IFIT2: variants seen among roughly 807,000 people sequenced by gnomAD.
The protein encoded by IFIT2 is interferon induced protein with tetratricopeptide repeats 2.
Under a neutral mutation model 2.5 loss-of-function variants are expected in IFIT2, and 3 were observed. The ratio of observed to expected loss-of-function variants is 1.21; its 90% confidence interval spans 0.55 to 3.14. The LOEUF (loss-of-function observed/expected upper bound fraction) is 3.14. Among genes scored for constraint, IFIT2 ranks in the 30% most tolerant of loss-of-function variants. The pLI is 0.03. For missense variants in IFIT2, 493 were observed against 558.9 expected (o/e 0.88, Z 1.19); for synonymous variants, 212 against 200.7 (o/e 1.06, Z -0.48).
Position 89,308,388 on chromosome 10 carries a change from G to A in IFIT2, c.*1013G>A, listed in dbSNP as rs1843496736. The A allele has an allele frequency of 1.3e-5, 2 of 152,074 alleles. No homozygotes were observed. Among genetic ancestry groups the A allele is most frequent in the African/African-American group, 2.4e-5 (1 of 41,408 alleles). 9.4% of individuals were successfully genotyped at this position (152,074 alleles called of 1,614,324 possible). The stretch of plus-strand genomic sequence containing the variant: ...TTCATGAACCTGGTTTGAGACGGTA[G>A]GAAAGCAACAAAACGTGGGAACCTG... On this transcript the variant is annotated 3_prime_UTR_variant, in exon 2 of 2. Transcript: ENST00000371826.
Position 89,308,790 on chromosome 10 carries a change from A to T in IFIT2, c.*1415A>T, listed in dbSNP as rs942890851. 6.6e-6 allele frequency: 1 copy of T among 152,236 alleles called. No individual in the cohort carries two copies. The highest frequency in any genetic ancestry group is 1.5e-5 in the Non-Finnish European group (1 of 68,040). 9.4% of individuals were successfully genotyped at this position (152,236 alleles called of 1,614,324 possible). The stretch of plus-strand genomic sequence containing the variant: ...AAAGTTAAAAATTCTAACCACTGTA[A>T]CAACAGTTTTTGTGTTATTTTCTGT... On this transcript the variant is annotated 3_prime_UTR_variant, in exon 2 of 2. Transcript: ENST00000371826.
rs1202731891 is a variant in IFIT2 at position 89,308,478 on chromosome 10, C to G, written c.*1103C>G. 1 of 152,096 alleles carries G rather than the reference C, an allele frequency of 6.6e-6. No homozygotes were observed. The highest frequency in any genetic ancestry group is 1.5e-5 in the Non-Finnish European group (1 of 68,016). The allele number at this position is 152,096 out of a possible 1,614,324, so 9.4% of individuals were successfully genotyped here. ...TGATAATAGATGGTGGGGTTTTCCC[C>G]CCTTTAGAAATGTTGGATATTAAGT... On this transcript the variant is annotated 3_prime_UTR_variant, in exon 2 of 2. Coordinates refer to ENST00000371826, the MANE Select transcript of IFIT2 (RefSeq NM_001547.5).
intron 1 of IFIT2, 106 bp downstream of exon 1, chr10:89,302,234 G>T: frequency 8.3e-7 from 1 of 1,200,548 alleles, no homozygotes. Context: ...TTTAGTGTTT[G>T]TTTATAGCCT....
rs1476511466 is a variant in IFIT2 at position 89,308,020 on chromosome 10, C to T, written c.*645C>T. ...GAACAGGAAGATACATAGCTAGAAG[C>T]GACGGGTACAAAAAGCAATGTGTAC... On this transcript the variant is annotated 3_prime_UTR_variant, in exon 2 of 2. Transcript: ENST00000371826. 3.3e-5 allele frequency: 5 copies of T among 152,364 alleles called. No homozygotes were observed. The highest frequency in any genetic ancestry group is 9.7e-5 in the African/African-American group (4 of 41,410). The allele number at this position is 152,364 out of a possible 1,614,324, so 9.4% of individuals were successfully genotyped here. A position where few individuals can be genotyped will look rare whatever the true frequency, so the allele number is the denominator to read the frequency against.
chr10:89,303,624 G>A (rs1843459723), intron 1 of IFIT2, among the ~76,000 whole-genome samples: 1 of 152,158 alleles, frequency 6.6e-6, no homozygotes, highest in Non-Finnish European at 1.5e-5. Flanking sequence ...TGCTCAAAGG[G>A]CTTTTACCTA....
chr10:89,302,056 G>A lies in IFIT2; in HGVS notation c.-68G>A. 5.6e-6 allele frequency: 9 copies of A among 1,595,472 alleles called. No homozygotes were observed. Among genetic ancestry groups the A allele is most frequent in the Non-Finnish European group, 7.7e-6 (9 of 1,163,664 alleles). ...TCAGCATTTATTGGTGGCAGAAGAG[G>A]AAGATTTCTGAAGAGTGCAGCTGCC... On this transcript the variant is annotated 5_prime_UTR_variant, in exon 1 of 2. Transcript: ENST00000371826.
In IFIT2 at chr10:89,308,564, C is replaced by A. The variant is rs141164000; in HGVS notation, c.*1189C>A. ...GAGAAATCACAAAATTCACGGTATG[C>A]TTGGAACGATTGAGATTTTCTAGGT... is the stretch of plus-strand genomic sequence containing the variant. On this transcript the variant is annotated 3_prime_UTR_variant, in exon 2 of 2. Transcript: ENST00000371826. The A allele has an allele frequency of 2.0e-5, 3 of 152,124 alleles. No individual in the cohort carries two copies. The highest frequency in any genetic ancestry group is 4.4e-5 in the Non-Finnish European group (3 of 68,038). The allele number at this position is 152,124 out of a possible 1,614,324, so 9.4% of individuals were successfully genotyped here. A position where few individuals can be genotyped will look rare whatever the true frequency, so the allele number is the denominator to read the frequency against.
rs746849892 is a variant in IFIT2 at position 89,306,179 on chromosome 10, C to T, written c.223C>T (p.Arg75Cys). Residue 75 changes from arginine to cysteine, a missense_variant, in exon 2 of 2, where the codon CGT (arginine) becomes TGT (cysteine). Arg to Cys is a radical substitution (Grantham distance 180). Coordinates refer to ENST00000371826, the MANE Select transcript of IFIT2 (RefSeq NM_001547.5). Reference protein sequence around the residue: ...GQNEAALECLRKAEELIQQEH... With the variant: ...GQNEAALECLCKAEELIQQEH... Reference sequence around the variant, plus strand: ...AAACGAGGCAGCCCTGGAATGCTTACGTAAAGCTGAAGAGTTAATCCAGCA... The same window carrying T: ...AAACGAGGCAGCCCTGGAATGCTTATGTAAAGCTGAAGAGTTAATCCAGCA... The T allele has an allele frequency of 1.2e-5, 19 of 1,613,992 alleles. No homozygotes were observed. Among genetic ancestry groups the T allele is most frequent in the East Asian group, 2.2e-5 (1 of 44,892 alleles).
chr10:89,304,756 T>G (rs1843467757), intron 1 of IFIT2, among the ~76,000 whole-genome samples: 1 of 152,032 alleles, frequency 6.6e-6, no homozygotes, highest in African/African-American at 2.4e-5. Flanking sequence ...TTTTTAGGGG[T>G]TTTTTTGTTG....
At chr10:89,304,787 G>A (rs1014965547) in intron 1 of IFIT2, among the ~76,000 whole-genome samples, 3 of 151,558 alleles carry the variant, frequency 2.0e-5, no homozygotes, top group African/African-American at 7.3e-5. Flanking sequence ...TTGTTTTTTG[G>A]TTTGGTTGAT....
chr10:89,305,824 T>G, intron 1 of IFIT2, 138 bp from the exon 2 acceptor site: 1 of 655,996 alleles, frequency 1.5e-6, no homozygotes, highest in Non-Finnish European at 2.6e-6. Flanking sequence ...GAAAAACATA[T>G]TATAGAAAGA....
In IFIT2 at chr10:89,306,939, A is replaced by G. The variant is rs1335740085; in HGVS notation, c.983A>G (p.Glu328Gly). The G allele has an allele frequency of 1.9e-6, 3 of 1,613,930 alleles. No individual in the cohort carries two copies. In the African/African-American group the frequency reaches 4.0e-5, roughly 22 times the overall value. Residue 328 changes from glutamate to glycine, a missense_variant, in exon 2 of 2, where the codon GAG becomes GGG. By Grantham distance (98) the Glu-to-Gly change is moderately conservative. Coordinates refer to ENST00000371826, the MANE Select transcript of IFIT2 (RefSeq NM_001547.5). ...HAVAHLKKAD[E>G]ANDNLFRVCS... Reference sequence around the variant, plus strand: ...GTGGCTCATCTGAAGAAAGCTGATGAGGCCAATGATAATCTCTTCCGTGTC... The same window carrying G: ...GTGGCTCATCTGAAGAAAGCTGATGGGGCCAATGATAATCTCTTCCGTGTC...
rs375901105 is a variant in IFIT2 at position 89,304,766 on chromosome 10, G to GTTGTT, written c.6-1183_6-1179dup. On this transcript the variant is annotated intron_variant, in intron 1 of 1. Coordinates refer to ENST00000371826, the MANE Select transcript of IFIT2 (RefSeq NM_001547.5). ...TGGGTTTTTTAGGGGTTTTTTTGTTGTTGTTTTGTTTTGTTTTTTGGTTTG... is the reference window on the plus strand; with the variant it reads ...TGGGTTTTTTAGGGGTTTTTTTGTTGTTGTTTTGTTTTGTTTTGTTTTTTGGTTTG... 3.9e-3 allele frequency among the ~76,000 whole-genome samples: 588 copies of GTTGTT among 151,756 alleles called. 7 individuals are homozygous for GTTGTT. Among genetic ancestry groups the GTTGTT allele is most frequent in the African/African-American group, 0.013 (554 of 41,380 alleles).
Position 89,306,025 on chromosome 10 carries a change from C to T in IFIT2, c.69C>T (p.Asn23=), listed in dbSNP as rs1843475583. Residue 23 remains asparagine (N), a synonymous_variant, in exon 2 of 2, where the codon AAC becomes AAT. Coordinates refer to ENST00000371826, the MANE Select transcript of IFIT2 (RefSeq NM_001547.5). ...LRQLKCHFTW[N]LMEGENSLDD... ...AACTAAAATGCCATTTCACCTGGAA[C>T]TTGATGGAGGGAGAAAACTCCTTGG... 4 of 1,613,892 alleles carry T rather than the reference C, an allele frequency of 2.5e-6. No individual in the cohort carries two copies.
At chr10:89,305,543 C>T (rs1843472685) in intron 1 of IFIT2, among the ~76,000 whole-genome samples, 1 of 151,996 alleles carries the variant, frequency 6.6e-6, no homozygotes, top group South Asian at 2.1e-4. Flanking sequence ...AATTATAAAG[C>T]TGAAATTTTC....
At position 89,308,361 on chromosome 10, in the gene IFIT2, CTT is replaced by C. The variant is rs1018317901; in HGVS notation, c.*988_*989del. 1.3e-4 allele frequency: 19 copies of C among 151,960 alleles called. No individual in the cohort carries two copies. Among genetic ancestry groups the C allele is most frequent in the African/African-American group, 4.1e-4 (17 of 41,446 alleles). The allele number at this position is 151,960 out of a possible 1,614,324, so 9.4% of individuals were successfully genotyped here. A position where few individuals can be genotyped will look rare whatever the true frequency, so the allele number is the denominator to read the frequency against. ...ATGAAGACTGAACTCTGTTCAAATG[CTT>C]TCATGAACCTGGTTTGAGACGGTAG... On this transcript the variant is annotated 3_prime_UTR_variant, in exon 2 of 2. Coordinates refer to ENST00000371826, the MANE Select transcript of IFIT2 (RefSeq NM_001547.5).
At position 89,306,256 on chromosome 10, in the gene IFIT2, T is replaced by C. The variant is rs146813717; in HGVS notation, c.300T>C (p.Tyr100=). The change falls in exon 2 of 2, where the codon TAT becomes TAC. Residue 100 remains tyrosine (Y), a synonymous_variant. Coordinates refer to ENST00000371826, the MANE Select transcript of IFIT2 (RefSeq NM_001547.5). ...GAAGTCTGGTCACCTGGGGAAACTA[T>C]GCCTGGGTCTACTATCACATGGGCC... ...EIRSLVTWGN[Y]AWVYYHMGRL... 438 of 1,614,172 alleles carry C rather than the reference T, an allele frequency of 2.7e-4. 2 individuals are homozygous for C. The Middle Eastern group carries it at 4.1e-3, about 15-fold the overall frequency.
At chr10:89,303,898 T>A (rs565254809) in intron 1 of IFIT2, among the ~76,000 whole-genome samples, 1 of 152,126 alleles carries the variant, frequency 6.6e-6, no homozygotes, top group Non-Finnish European at 1.5e-5. Flanking sequence ...GTGGTCATAT[T>A]CTGTAGGACT....
Position 89,307,064 on chromosome 10 carries a change from A to C in IFIT2, c.1108A>C (p.Lys370Gln). 4 of 1,614,102 alleles carry C rather than the reference A, an allele frequency of 2.5e-6. No homozygotes were observed. Among genetic ancestry groups the C allele is most frequent in the Non-Finnish European group, 3.4e-6 (4 of 1,179,966 alleles). ...EFSKELTPVA[K>Q]QLLHLRYGNF... is the part of the protein sequence containing the mutation. ...CAGTAAAGAGCTTACTCCTGTAGCG[A>C]AACAACTGCTCCATCTGCGGTATGG... Residue 370 changes from lysine to glutamine, a missense_variant, in exon 2 of 2, where the codon AAA becomes CAA. Lys to Gln is a moderately conservative substitution (Grantham distance 53, BLOSUM62 1). Transcript: ENST00000371826.
Sources: allele counts gnomAD v4.1 joint callset (sites outside exome capture counted in the v4.1 genomes callset), GRCh38; gene constraint gnomAD v4.1.1; transcripts MANE v1.5; gene names NCBI Gene and HGNC (gene_info 2026-07-23, HGNC 2026-07-21).